LPCAT1: variants seen among roughly 807,000 people sequenced by gnomAD.
LPCAT1 encodes lysophosphatidylcholine acyltransferase 1, also known as 1-acylglycerol-3-phosphate O-acyltransferase.
Under a neutral mutation model 60.9 loss-of-function variants are expected in LPCAT1, and 23 were observed. The ratio of observed to expected loss-of-function variants is 0.38; its 90% confidence interval spans 0.27 to 0.53. The LOEUF is 0.53. Among genes scored for constraint, LPCAT1 ranks in the 20% least tolerant of loss-of-function variants. The pLI, the probability that LPCAT1 is intolerant of heterozygous loss-of-function variation, is 0.82. For missense variants in LPCAT1, 622 were observed against 723.6 expected (o/e 0.86, Z 1.61); for synonymous variants, 340 against 301.1 (o/e 1.13, Z -1.34).
Position 1,477,372 on chromosome 5 carries a change from C to T in LPCAT1, c.899+32G>A. 1 of 1,591,718 alleles carries T rather than the reference C, an allele frequency of 6.3e-7. No homozygotes were observed. The highest frequency in any genetic ancestry group is 8.6e-7 in the Non-Finnish European group (1 of 1,160,762). On this transcript the variant is annotated intron_variant, in intron 9 of 13. Coordinates refer to ENST00000283415, the MANE Select transcript of LPCAT1 (RefSeq NM_024830.5). This position sits in a 1 kb window ranked among gnomAD's most constrained non-coding sequence, Gnocchi z 6.0. ...GCAGCACTCTGGGAGACACCCCTGA[C>T]TCGGCGATGGGGGAAGGAGCTGCTC...
At chr5:1,515,535 C>G (rs540598965) in intron 1 of LPCAT1, among the ~76,000 whole-genome samples, 1 of 148,704 alleles carries the variant, frequency 6.7e-6, no homozygotes, top group Non-Finnish European at 1.5e-5. Context: ...CCCGCAGATA[C>G]AGGGGCCCCC....
intron 1 of LPCAT1, among the ~76,000 whole-genome samples, chr5:1,517,902 C>T (rs1302927586): frequency 6.6e-6 from 1 of 152,216 alleles, no homozygotes; most frequent in Non-Finnish European, 1.5e-5. Context: ...GGGACGAGGT[C>T]GGAGGGCTCA....
chr5:1,523,898 G>A lies in LPCAT1; in HGVS notation c.-54C>T, dbSNP rs1357193985. On this transcript the variant is annotated 5_prime_UTR_variant, in exon 1 of 14. Coordinates refer to ENST00000283415, the MANE Select transcript of LPCAT1 (RefSeq NM_024830.5). This position sits in a 1 kb window ranked among gnomAD's most constrained non-coding sequence, Gnocchi z 7.1. ...CGAGCTGCCTGGGGCGCCGAGCGGG[G>A]CCGGGGCTAGCTGGGCGCGGGTCTC... 1 of 1,013,230 alleles carries A rather than the reference G, an allele frequency of 9.9e-7. No individual in the cohort carries two copies. The highest frequency in any genetic ancestry group is 1.7e-5 in the African/African-American group (1 of 57,410). The allele number at this position is 1,013,230 out of a possible 1,614,324, so 62.8% of individuals were successfully genotyped here.
Position 1,522,398 on chromosome 5 carries a change from C to A in LPCAT1, c.135+1312G>T, listed in dbSNP as rs1224714212. 1.3e-5 allele frequency among the ~76,000 whole-genome samples: 2 copies of A among 152,144 alleles called. No individual in the cohort carries two copies. Among genetic ancestry groups the A allele is most frequent in the Admixed American group, 6.5e-5 (1 of 15,288 alleles). On this transcript the variant is annotated intron_variant, in intron 1 of 13. Coordinates refer to ENST00000283415, the MANE Select transcript of LPCAT1 (RefSeq NM_024830.5). The surrounding 1 kb of genome is among the most constrained non-coding windows in gnomAD (Gnocchi z 6.8). The stretch of plus-strand genomic sequence containing the variant: ...GCAGACAGAGGGCCAGGCAGAGCGG[C>A]GGCAGAGGGGCCGGCACCGCCCCAG...
At chr5:1,513,695 C>A (rs531219776) in intron 1 of LPCAT1, among the ~76,000 whole-genome samples, 1 of 141,258 alleles carries the variant, frequency 7.1e-6, no homozygotes, top group South Asian at 2.3e-4. Context: ...GGACACCCTG[C>A]GATTACATTT....
Position 1,483,310 on chromosome 5 carries a change from G to A in LPCAT1, c.726+118C>T. Reference sequence around the variant, plus strand: ...GATGGACTCAGCATGGCCAAGTGTGGGCTGTGGCGCAGATAAAGGGTGTGG... The same window carrying A: ...GATGGACTCAGCATGGCCAAGTGTGAGCTGTGGCGCAGATAAAGGGTGTGG... On this transcript the variant is annotated intron_variant, in intron 6 of 13. Transcript: ENST00000283415. The surrounding 1 kb of genome is among the most constrained non-coding windows in gnomAD (Gnocchi z 9.2). 8.9e-7 allele frequency: 1 copy of A among 1,123,954 alleles called. No homozygotes were observed. The highest frequency in any genetic ancestry group is 1.3e-6 in the Non-Finnish European group (1 of 741,062). The allele number at this position is 1,123,954 out of a possible 1,614,324, so 69.6% of individuals were successfully genotyped here. A position where few individuals can be genotyped will look rare whatever the true frequency, so the allele number is the denominator to read the frequency against.
At chr5:1,497,986 T>G (rs978627795) in intron 2 of LPCAT1, among the ~76,000 whole-genome samples, 1 of 152,248 alleles carries the variant, frequency 6.6e-6, no homozygotes, top group African/African-American at 2.4e-5. Flanking sequence ...CAACACTGTG[T>G]GTGTTGAAAG....
rs955224847 is a variant in LPCAT1 at position 1,476,410 on chromosome 5, G to A, written c.899+994C>T. 3.3e-5 allele frequency among the ~76,000 whole-genome samples: 5 copies of A among 152,108 alleles called. No individual in the cohort carries two copies. Among genetic ancestry groups the A allele is most frequent in the African/African-American group, 4.8e-5 (2 of 41,408 alleles). On this transcript the variant is annotated intron_variant, in intron 9 of 13. Coordinates refer to ENST00000283415, the MANE Select transcript of LPCAT1 (RefSeq NM_024830.5). This position sits in a 1 kb window ranked among gnomAD's most constrained non-coding sequence, Gnocchi z 8.6. Reference sequence around the variant, plus strand: ...AGAGGATGGGAACGTGAGGGAACGGGCCGCCCAGCTGAATCTTCAGGGTGT... The same window carrying A: ...AGAGGATGGGAACGTGAGGGAACGGACCGCCCAGCTGAATCTTCAGGGTGT...
intron 1 of LPCAT1, among the ~76,000 whole-genome samples, chr5:1,511,233 C>T (rs889946728): frequency 2.6e-5 from 4 of 152,340 alleles, no homozygotes; most frequent in African/African-American, 9.6e-5. Flanking sequence ...CCTGGGCTCA[C>T]GGTTGGCTCT....
chr5:1,493,004 T>A (rs1175940573), intron 3 of LPCAT1, among the ~76,000 whole-genome samples: 1 of 152,198 alleles, frequency 6.6e-6, no homozygotes, highest in Non-Finnish European at 1.5e-5. Flanking sequence ...AACCACAGGA[T>A]GCAAAGGGTG....
At chr5:1,512,361 A>G (rs1371303040) in intron 1 of LPCAT1, among the ~76,000 whole-genome samples, 3 of 152,162 alleles carry the variant, frequency 2.0e-5, no homozygotes, top group African/African-American at 7.2e-5. Flanking sequence ...ACAGGGTCAC[A>G]AGGCCCCGGC....
At chr5:1,488,258 T>A in intron 5 of LPCAT1, 133 bp downstream of exon 5, 1 of 532,748 alleles carries the variant, frequency 1.9e-6, no homozygotes, top group South Asian at 3.0e-5. Context: ...TTCTTAGGAA[T>A]ACCTCTAAGA....
chr5:1,473,675 G>C (rs1485300895), intron 11 of LPCAT1, among the ~76,000 whole-genome samples: 1 of 152,156 alleles, frequency 6.6e-6, no homozygotes, highest in Non-Finnish European at 1.5e-5. Flanking sequence ...CCCCAGGCTG[G>C]GTGTCACAGT....
chr5:1,484,469 C>A (rs933440190), intron 5 of LPCAT1, among the ~76,000 whole-genome samples: 1 of 152,198 alleles, frequency 6.6e-6, no homozygotes, highest in African/African-American at 2.4e-5. Flanking sequence ...AGAAGGGCTC[C>A]CCTGCCTGGC....
chr5:1,482,229 G>A (rs1735174880), intron 6 of LPCAT1, among the ~76,000 whole-genome samples: 1 of 151,616 alleles, frequency 6.6e-6, no homozygotes, highest in Admixed American at 6.6e-5. Context: ...TGTGGAAGGG[G>A]GAACACAGCT....
Position 1,463,225 on chromosome 5 carries a change from G to A in LPCAT1, c.*426C>T, listed in dbSNP as rs1734176788. 1.2e-5 allele frequency: 2 copies of A among 164,132 alleles called. No homozygotes were observed. The highest frequency in any genetic ancestry group is 2.6e-5 in the Non-Finnish European group (2 of 76,112). 10.2% of individuals were successfully genotyped at this position (164,132 alleles called of 1,614,324 possible). ...GCTGTGGATCCACAGAGGCAGACAG[G>A]TTTCGTGCCAGAGTGACACGCAAGC... On this transcript the variant is annotated 3_prime_UTR_variant, in exon 14 of 14. Transcript: ENST00000283415.
At chr5:1,478,432 TTTC>T (rs1217051313) in intron 8 of LPCAT1, among the ~76,000 whole-genome samples, 1 of 152,278 alleles carries the variant, frequency 6.6e-6, no homozygotes, top group African/African-American at 2.4e-5. Context: ...AGCCATTCAC[TTTC>T]TTTTCAACTC....
rs538042742 is a variant in LPCAT1 at position 1,474,664 on chromosome 5, A to T, written c.921T>A (p.Thr307=). ...VMAEALGVSV[T]DYTFEDCQLA... is the part of the protein sequence containing the mutation. ...GCTGGCAGTCCTCGAACGTGTAGTC[A>T]GTCACGGAGACACCCAAGGCCCTAC... The change falls in exon 10 of 14, where the codon ACT becomes ACA. Residue 307 remains threonine (T), a synonymous_variant. Coordinates refer to ENST00000283415, the MANE Select transcript of LPCAT1 (RefSeq NM_024830.5). The T allele has an allele frequency of 2.8e-5, 45 of 1,613,738 alleles. No homozygotes were observed. The highest frequency in any genetic ancestry group is 3.7e-5 in the Non-Finnish European group (44 of 1,179,978).
chr5:1,490,779 A>T (rs1464550199), intron 3 of LPCAT1, among the ~76,000 whole-genome samples: 1 of 152,210 alleles, frequency 6.6e-6, no homozygotes, highest in Non-Finnish European at 1.5e-5. Flanking sequence ...ACGTGGAAAC[A>T]TACTTCTTAG....
Sources: allele counts gnomAD v4.1 joint callset (sites outside exome capture counted in the v4.1 genomes callset), GRCh38; gene constraint gnomAD v4.1.1; non-coding constraint Gnocchi (gnomAD v3.1); transcripts MANE v1.5; gene names NCBI Gene and HGNC (gene_info 2026-07-23, HGNC 2026-07-21).